RARRES2: variants seen among roughly 807,000 people sequenced by gnomAD.
RARRES2 encodes the protein retinoic acid receptor responder protein 2.
RARRES2 carries 12 observed loss-of-function variants against 17.9 expected under a neutral mutation model. That is an observed-to-expected ratio of 0.67 (90% confidence interval 0.43 to 1.08). The LOEUF is 1.08. RARRES2 is among the 50% of genes least tolerant of loss of function. RARRES2 has a pLI of 0.00. For synonymous variants in RARRES2, 82 were observed against 86.8 expected (o/e 0.94, Z 0.31); for missense variants, 220 against 210.1 (o/e 1.05, Z -0.29).
At chr7:150,338,899 G>A in intron 4 of RARRES2, 87 bp downstream of exon 4, 2 of 1,542,484 alleles carry the variant, frequency 1.3e-6, no homozygotes, top group Non-Finnish European at 1.8e-6. Flanking sequence ...GCTTGGCCAA[G>A]CTTTAGCCTC....
chr7:150,339,033 C>T lies in RARRES2; in HGVS notation c.328G>A (p.Val110Ile). Reference protein sequence around the residue: ...ACIKLGSEDKVLGRLVHCPIE... With the variant: ...ACIKLGSEDKILGRLVHCPIE... ...GGGCAGTGGACCAACCGGCCCAGAA[C>T]TTTGTCCTCAGAGCCCAGTTTGATG... The change falls in exon 4 of 6, where the codon GTT becomes ATT. Residue 110 changes from valine to isoleucine, a missense_variant. Coordinates refer to ENST00000223271, the MANE Select transcript of RARRES2 (RefSeq NM_002889.4). The T allele has an allele frequency of 6.2e-7, 1 of 1,613,756 alleles. No homozygotes were observed. The highest frequency in any genetic ancestry group is 8.5e-7 in the Non-Finnish European group (1 of 1,179,638).
intron 2 of RARRES2, 108 bp from the exon 3 acceptor site, chr7:150,340,312 G>T (rs771144126): frequency 3.4e-5 from 52 of 1,540,754 alleles, no homozygotes; most frequent in Non-Finnish European, 4.4e-5. Context: ...CAGCAGGCTG[G>T]ACAGTGGCCT....
chr7:150,341,111 C>G (rs1390946330), intron 1 of RARRES2: 1 of 153,790 alleles, frequency 6.5e-6, no homozygotes, highest in Non-Finnish European at 1.4e-5. Flanking sequence ...GGGGAAGGGG[C>G]AGGGGCCGGA....
chr7:150,340,687 G>A (rs1272445377), intron 1 of RARRES2, 58 bp from the exon 2 acceptor site: 15 of 1,393,404 alleles, frequency 1.1e-5, no homozygotes, highest in Non-Finnish European at 1.4e-5. Flanking sequence ...GCCTCCTCCC[G>A]CGCCCTGCTC....
chr7:150,340,801 C>G, intron 1 of RARRES2, 172 bp from the exon 2 acceptor site: 2 of 580,778 alleles, frequency 3.4e-6, no homozygotes, highest in Non-Finnish European at 5.8e-6. Context: ...CCTTAGGGTC[C>G]GCCTGGCCCT....
Position 150,340,348 on chromosome 7 carries a change from G to A in RARRES2, c.174+88C>T. The A allele has an allele frequency of 2.6e-6, 4 of 1,547,170 alleles. No individual in the cohort carries two copies. The South Asian group carries it at 3.7e-5, about 14-fold the overall frequency. ...TTTCTCCAAAGGGCTGGGGCTCAGAGCCCAAGCACTTCTGTCCCCCTTCGT... is the reference window on the plus strand; with the variant it reads ...TTTCTCCAAAGGGCTGGGGCTCAGAACCCAAGCACTTCTGTCCCCCTTCGT... On this transcript the variant is annotated intron_variant, in intron 2 of 5. Transcript: ENST00000223271.
At chr7:150,340,801 C>A in intron 1 of RARRES2, 172 bp from the exon 2 acceptor site, 1 of 580,778 alleles carries the variant, frequency 1.7e-6, no homozygotes, top group Non-Finnish European at 2.9e-6. Context: ...CCTTAGGGTC[C>A]GCCTGGCCCT....
intron 5 of RARRES2, 50 bp from the exon 6 acceptor site, chr7:150,338,489 C>G (rs963864517): frequency 3.9e-6 from 6 of 1,519,492 alleles, no homozygotes; most frequent in Non-Finnish European, 5.3e-6. Flanking sequence ...TGCTTCAGCC[C>G]CAGTCCCAGC....
Position 150,340,534 on chromosome 7 carries a change from G to C in RARRES2, c.76C>G (p.Gln26Glu). Reference sequence around the variant, plus strand: ...AGGGCCACCTGCAGGCCCCGGCGCTGGGCTTCCGTGAGCTCGGCGACGCCC... The same window carrying C: ...AGGGCCACCTGCAGGCCCCGGCGCTCGGCTTCCGTGAGCTCGGCGACGCCC... ...GVGVAELTEA[Q>E]RRGLQVALEE... The change falls in exon 2 of 6, where the codon CAG becomes GAG. Residue 26 changes from glutamine to glutamate, a missense_variant. Gln to Glu is a conservative substitution (Grantham distance 29, BLOSUM62 2). Transcript: ENST00000223271. 3.2e-6 allele frequency: 5 copies of C among 1,583,676 alleles called. No homozygotes were observed. Among genetic ancestry groups the C allele is most frequent in the Non-Finnish European group, 4.3e-6 (5 of 1,165,396 alleles).
chr7:150,339,942 T>TA (rs1251523670), intron 3 of RARRES2, among the ~76,000 whole-genome samples, 158 bp downstream of exon 3: 1 of 152,142 alleles, frequency 6.6e-6, no homozygotes, highest in African/African-American at 2.4e-5. Flanking sequence ...ACTCCACCTC[T>TA]AAGGAGGCTC....
rs776622531 is a variant in RARRES2, at chr7:150,338,605, T to TG, written c.*10+9dup. 1 of 1,552,076 alleles carries TG rather than the reference T, an allele frequency of 6.4e-7. No homozygotes were observed. The highest frequency in any genetic ancestry group is 1.2e-5 in the South Asian group (1 of 84,062). On this transcript the variant is annotated intron_variant, in intron 5 of 5. Transcript: ENST00000223271. The stretch of plus-strand genomic sequence containing the variant: ...CATCCAGACGGTGCTCTCAGCCCCC[T>TG]GGTGCCTACCAGTGCTGGCTTAGCT...
At chr7:150,340,864 CAA>C in intron 1 of RARRES2, 1 of 433,808 alleles carries the variant, frequency 2.3e-6, no homozygotes, top group Non-Finnish European at 4.1e-6. Context: ...GCAGTTTTAG[CAA>C]AGTTCCCTGC....
intron 2 of RARRES2, 104 bp from the exon 3 acceptor site, chr7:150,340,308 G>A (rs1327019006): frequency 1.4e-5 from 22 of 1,542,380 alleles, no homozygotes; most frequent in South Asian, 6.0e-5. Flanking sequence ...ATTCCAGCAG[G>A]CTGGACAGTG....
rs565350071 is a variant in RARRES2, at chr7:150,340,693, T to C, written c.-20-64A>G. On this transcript the variant is annotated intron_variant, in intron 1 of 5. Transcript: ENST00000223271. ...GCCCGAGCCGCCTCCTCCCGCGCCC[T>C]GCTCTGGGGGGAGGGTGGGGAGCGG... 142 of 1,350,670 alleles carry C rather than the reference T, an allele frequency of 1.1e-4. No homozygotes were observed. The South Asian group carries it at 2.1e-3, about 20-fold the overall frequency. 83.7% of individuals were successfully genotyped at this position (1,350,670 alleles called of 1,614,324 possible).
At chr7:150,340,918 C>T (rs909415675) in intron 1 of RARRES2, 10 of 290,136 alleles carry the variant, frequency 3.4e-5, no homozygotes, top group Admixed American at 5.1e-5. Context: ...ACCCTACACC[C>T]CTAATCTTGC....
In RARRES2 at chr7:150,338,359, G is replaced by T; in HGVS notation, c.*91C>A. The T allele has an allele frequency of 6.9e-7, 1 of 1,451,610 alleles. No individual in the cohort carries two copies. The highest frequency in any genetic ancestry group is 9.1e-7 in the Non-Finnish European group (1 of 1,093,396). 89.9% of individuals were successfully genotyped at this position (1,451,610 alleles called of 1,614,324 possible). On this transcript the variant is annotated 3_prime_UTR_variant, in exon 6 of 6. Coordinates refer to ENST00000223271, the MANE Select transcript of RARRES2 (RefSeq NM_002889.4). ...GAGCAGCTTTATTATCATGGCTGGG[G>T]ATAGAACGGGTTCCTCTCCCTGGGG...
intron 4 of RARRES2, 44 bp from the exon 5 acceptor site, chr7:150,338,785 C>T (rs1311098765): frequency 6.4e-7 from 1 of 1,561,390 alleles, no homozygotes; most frequent in Non-Finnish European, 8.7e-7. Context: ...GAGGGGTGGG[C>T]AGTGCCAGTG....
intron 1 of RARRES2, 79 bp from the exon 2 acceptor site, chr7:150,340,708 G>T (rs3817488): frequency 7.9e-7 from 1 of 1,271,182 alleles, no homozygotes. Context: ...TGGGGGGAGG[G>T]TGGGGAGCGG....
chr7:150,338,826 C>T (rs894979322), intron 4 of RARRES2, 85 bp from the exon 5 acceptor site: 1 of 1,569,782 alleles, frequency 6.4e-7, no homozygotes, highest in African/African-American at 1.4e-5. Flanking sequence ...ACATCCCCTC[C>T]ACATCCCTTG....
Sources: gnomAD v4.1 joint callset for allele counts (sites outside exome capture counted in the v4.1 genomes callset) on GRCh38, gnomAD v4.1.1 for gene constraint, MANE v1.5 for transcripts, NCBI Gene and HGNC (gene_info 2026-07-23, HGNC 2026-07-21) for gene names.